Variants in AGBL1 observed in about 807,000 individuals in gnomAD.
AGBL1 encodes the protein cytosolic carboxypeptidase 4.
AGBL1 carries 130 observed loss-of-function variants against 118.9 expected under a neutral mutation model. The observed-to-expected ratio is 1.09, with a 90% confidence interval of 0.95 to 1.26. The LOEUF (loss-of-function observed/expected upper bound fraction) is 1.26. Ranked by LOEUF, AGBL1 falls within the 50% of genes most tolerant of loss-of-function variation. The pLI is 0.00. For missense variants in AGBL1, 1,584 were observed against 1,298.1 expected (o/e 1.22, Z -3.38); for synonymous variants, 555 against 478.9 (o/e 1.16, Z -2.08).
Position 86,734,430 on chromosome 15 carries a change from T to A in AGBL1, c.3158+59994T>A, listed in dbSNP as rs1190098189. 4.6e-5 allele frequency among the ~76,000 whole-genome samples: 7 copies of A among 152,238 alleles called. No homozygotes were observed. The East Asian group carries it at 1.4e-3, about 29-fold the overall frequency. On this transcript the variant is annotated intron_variant, in intron 22 of 22. Coordinates refer to ENST00000614907, the MANE Select transcript of AGBL1 (RefSeq NM_001386094.1). ...AGGAGATCTTCACTTGGAAAAGATGTAGAGACTAAGAACTGTTATATGAAG... is the reference window on the plus strand; with the variant it reads ...AGGAGATCTTCACTTGGAAAAGATGAAGAGACTAAGAACTGTTATATGAAG...
chr15:86,497,047 A>G (rs1355301013), intron 18 of AGBL1, among the ~76,000 whole-genome samples: 3 of 151,976 alleles, frequency 2.0e-5, no homozygotes, highest in Non-Finnish European at 4.4e-5. Flanking sequence ...ATATCTCTAT[A>G]CCTTCCCAAT....
intron 14 of AGBL1, among the ~76,000 whole-genome samples, 199 bp downstream of exon 14, chr15:86,270,266 C>T (rs545623323): frequency 1.3e-5 from 2 of 152,178 alleles, no homozygotes; most frequent in Admixed American, 1.3e-4. Context: ...CACCCTCACT[C>T]TGCCACACAT....
intron 23 of AGBL1, among the ~76,000 whole-genome samples, chr15:86,924,242 G>T (rs950293925): frequency 2.0e-5 from 3 of 152,230 alleles, no homozygotes; most frequent in African/African-American, 7.2e-5. Context: ...CCACACACAA[G>T]TTCTGCCTGA....
chr15:86,756,943 C>CT (rs11383287), intron 22 of AGBL1, among the ~76,000 whole-genome samples: 37,984 of 142,700 alleles, frequency 0.27, 5,130 homozygotes, highest in East Asian at 0.32. Flanking sequence ...ATAAACATGT[C>CT]TTTTTTTTTT....
chr15:86,100,529 T>C (rs1447684395), intron 1 of AGBL1, among the ~76,000 whole-genome samples: 1 of 152,088 alleles, frequency 6.6e-6, no homozygotes, highest in Non-Finnish European at 1.5e-5. Flanking sequence ...TATTACTGAT[T>C]TAATCTCATT....
intron 19 of AGBL1, among the ~76,000 whole-genome samples, chr15:86,525,600 C>T (rs1435668535): frequency 2.0e-5 from 3 of 152,024 alleles, no homozygotes; most frequent in Non-Finnish European, 2.9e-5. Context: ...ATTAACTAAT[C>T]TTTGACCAAG....
intron 5 of AGBL1, among the ~76,000 whole-genome samples, chr15:86,173,823 C>A (rs964600675): frequency 3.3e-5 from 5 of 152,084 alleles, no homozygotes; most frequent in Non-Finnish European, 7.4e-5. Context: ...TATGATAGTA[C>A]CATGCTGATT....
chr15:86,085,304 C>T (rs370252148), intron 1 of AGBL1, among the ~76,000 whole-genome samples: 5 of 151,928 alleles, frequency 3.3e-5, no homozygotes, highest in South Asian at 2.1e-4. Context: ...CCGGTCATGG[C>T]GGGGGTGGGG....
intron 22 of AGBL1, among the ~76,000 whole-genome samples, chr15:86,694,848 T>A (rs150204120): frequency 8.5e-5 from 13 of 152,272 alleles, no homozygotes; most frequent in African/African-American, 3.1e-4. Flanking sequence ...TCTATTGAGA[T>A]GATCATGTGA....
At chr15:86,940,033 C>T (rs1342628064) in intron 23 of AGBL1, among the ~76,000 whole-genome samples, 1 of 139,776 alleles carries the variant, frequency 7.2e-6, no homozygotes, top group Non-Finnish European at 1.5e-5. Flanking sequence ...AGGCATGTGT[C>T]AACAAACTCA....
intron 19 of AGBL1, among the ~76,000 whole-genome samples, chr15:86,544,526 G>A (rs1437773703): frequency 6.6e-6 from 1 of 152,232 alleles, no homozygotes; most frequent in East Asian, 1.9e-4. Flanking sequence ...CATGGCTGGG[G>A]AGGCCTCACG....
At chr15:86,675,319 C>T (rs1024514923) in intron 22 of AGBL1, among the ~76,000 whole-genome samples, 1 of 152,106 alleles carries the variant, frequency 6.6e-6, no homozygotes, top group South Asian at 2.1e-4. Context: ...AGCTAATTTT[C>T]TTGAATTTTC....
At chr15:86,847,031 C>G (rs1020276335) in intron 22 of AGBL1, among the ~76,000 whole-genome samples, 3 of 152,060 alleles carry the variant, frequency 2.0e-5, no homozygotes, top group Admixed American at 6.5e-5. Context: ...ATTATGTCTT[C>G]TAACATTTTA....
chr15:86,470,599 A>G (rs2082466808), intron 18 of AGBL1, among the ~76,000 whole-genome samples: 1 of 152,164 alleles, frequency 6.6e-6, no homozygotes, highest in Non-Finnish European at 1.5e-5. Flanking sequence ...TTTGAGAGGG[A>G]TGGCATTGAA....
At chr15:86,080,708 C>T (rs767023736) in intron 1 of AGBL1, among the ~76,000 whole-genome samples, 2 of 152,136 alleles carry the variant, frequency 1.3e-5, no homozygotes, top group Admixed American at 6.5e-5. Context: ...TTGGGACCCA[C>T]CCCCAAAGAC....
intron 24 of AGBL1, among the ~76,000 whole-genome samples, chr15:87,013,088 C>T (rs2081577183): frequency 6.6e-6 from 1 of 152,186 alleles, no homozygotes; most frequent in African/African-American, 2.4e-5. Flanking sequence ...ACATTTCTGA[C>T]AATGAATTCC....
chr15:86,586,271 T>C (rs2142341831), intron 21 of AGBL1, among the ~76,000 whole-genome samples: 1 of 152,310 alleles, frequency 6.6e-6, no homozygotes, highest in Non-Finnish European at 1.5e-5. Context: ...CATTCATAAC[T>C]GAATGATAAC....
intron 17 of AGBL1, among the ~76,000 whole-genome samples, chr15:86,301,731 C>G (rs2079750677): frequency 6.8e-6 from 1 of 147,028 alleles, no homozygotes; most frequent in Non-Finnish European, 1.5e-5. Context: ...AAAGTTTTAA[C>G]AGGGGTGAAA....
chr15:86,219,685 G>C (rs2078248019), intron 5 of AGBL1, among the ~76,000 whole-genome samples: 1 of 152,000 alleles, frequency 6.6e-6, no homozygotes, highest in Non-Finnish European at 1.5e-5. Flanking sequence ...GTACCACACT[G>C]TGCTATGTAG....
Sources: gnomAD v4.1 joint callset for allele counts (sites outside exome capture counted in the v4.1 genomes callset) on GRCh38, gnomAD v4.1.1 for gene constraint, MANE v1.5 for transcripts, NCBI Gene and HGNC (gene_info 2026-07-23, HGNC 2026-07-21) for gene names.